UBE2E2: variants seen among roughly 807,000 people sequenced by gnomAD.
UBE2E2 encodes ubiquitin-conjugating enzyme E2 E2.
UBE2E2 carries 6 observed loss-of-function variants against 24.7 expected under a neutral mutation model. That is an observed-to-expected ratio of 0.24 (90% CI 0.13 to 0.48). UBE2E2 has a LOEUF of 0.48. Ranked by LOEUF, UBE2E2 falls within the 20% of genes least tolerant of loss-of-function variation. UBE2E2 has a pLI of 0.99. For synonymous variants in UBE2E2, 104 were observed against 83.6 expected (o/e 1.24, Z -1.33); for missense variants, 169 against 245.0 (o/e 0.69, Z 2.07).
At chr3:23,229,555 A>G (rs998177938) in intron 3 of UBE2E2, among the ~76,000 whole-genome samples, 8 of 152,196 alleles carry the variant, frequency 5.3e-5, no homozygotes, top group Admixed American at 2.6e-4. Flanking sequence ...ACAGGCTTGG[A>G]AGGGTTAAGT....
intron 3 of UBE2E2, among the ~76,000 whole-genome samples, chr3:23,394,665 A>C (rs1016169503): frequency 5.3e-5 from 8 of 152,228 alleles, no homozygotes; most frequent in Admixed American, 5.2e-4. Context: ...TCTCAGCAGT[A>C]GCTAAGAATC....
intron 3 of UBE2E2, among the ~76,000 whole-genome samples, chr3:23,377,709 T>C (rs1696555707): frequency 6.6e-6 from 1 of 152,246 alleles, no homozygotes; most frequent in Non-Finnish European, 1.5e-5. Context: ...TTCAGCAAGT[T>C]ACTTTAAACT....
intron 3 of UBE2E2, among the ~76,000 whole-genome samples, chr3:23,431,725 C>T (rs528092814): frequency 1.3e-5 from 2 of 151,900 alleles, no homozygotes; most frequent in Non-Finnish European, 2.9e-5. Context: ...TTTTTTTTAG[C>T]CTCTGAAAAC....
At chr3:23,346,347 A>G (rs1695556820) in intron 3 of UBE2E2, among the ~76,000 whole-genome samples, 1 of 152,072 alleles carries the variant, frequency 6.6e-6, no homozygotes, top group African/African-American at 2.4e-5. Flanking sequence ...TCTCTAGTCT[A>G]CTGGGTACAG....
intron 3 of UBE2E2, among the ~76,000 whole-genome samples, chr3:23,456,787 T>C (rs769876798): frequency 4.6e-5 from 7 of 152,208 alleles, no homozygotes; most frequent in Admixed American, 2.6e-4. Context: ...TAAGTGAGCA[T>C]TGGCTTCAAC....
At chr3:23,554,654 A>G (rs1465590839) in intron 5 of UBE2E2, among the ~76,000 whole-genome samples, 1 of 152,216 alleles carries the variant, frequency 6.6e-6, no homozygotes, top group Non-Finnish European at 1.5e-5. Flanking sequence ...GCTCCTTGAC[A>G]TTAGCCTTGG....
intron 3 of UBE2E2, among the ~76,000 whole-genome samples, chr3:23,408,624 G>A (rs1697424873): frequency 6.6e-6 from 1 of 152,080 alleles, no homozygotes; most frequent in South Asian, 2.1e-4. Context: ...TGAACTTTTG[G>A]CAATTTAACA....
chr3:23,272,073 G>C (rs1204901478), intron 3 of UBE2E2, among the ~76,000 whole-genome samples: 1 of 152,224 alleles, frequency 6.6e-6, no homozygotes, highest in Non-Finnish European at 1.5e-5. Flanking sequence ...GTGCCGTGGA[G>C]CAGGGGGTGA....
intron 3 of UBE2E2, among the ~76,000 whole-genome samples, chr3:23,217,752 TGTC>T (rs1696517065): frequency 6.6e-6 from 1 of 152,120 alleles, no homozygotes; most frequent in African/African-American, 2.4e-5. Context: ...CATTATTTCT[TGTC>T]GTCATTGGTT....
At chr3:23,417,808 G>C (rs1009079158) in intron 3 of UBE2E2, among the ~76,000 whole-genome samples, 2 of 152,334 alleles carry the variant, frequency 1.3e-5, no homozygotes, top group African/African-American at 4.8e-5. Flanking sequence ...TTTGCAAGCT[G>C]TGGTGGGCCC....
chr3:23,297,949 C>G (rs1447116177), intron 3 of UBE2E2, among the ~76,000 whole-genome samples: 1 of 151,674 alleles, frequency 6.6e-6, no homozygotes, highest in African/African-American at 2.4e-5. Flanking sequence ...TCTTTGTATC[C>G]TCTTTTATTT....
chr3:23,478,588 C>T (rs1699186644), intron 3 of UBE2E2, among the ~76,000 whole-genome samples: 1 of 151,948 alleles, frequency 6.6e-6, no homozygotes. Context: ...CCTCCAAAAC[C>T]AAAAAAGTAA....
chr3:23,401,256 G>A (rs189661207), intron 3 of UBE2E2, among the ~76,000 whole-genome samples: 4 of 152,314 alleles, frequency 2.6e-5, no homozygotes, highest in Non-Finnish European at 5.9e-5. Flanking sequence ...CTAGAGAAAT[G>A]AGCAGGAGTT....
intron 3 of UBE2E2, among the ~76,000 whole-genome samples, chr3:23,380,507 A>C (rs1696641714): frequency 6.6e-6 from 1 of 152,180 alleles, no homozygotes; most frequent in Non-Finnish European, 1.5e-5. Context: ...TATAGACGTG[A>C]GCCACCGGTG....
intron 3 of UBE2E2, among the ~76,000 whole-genome samples, chr3:23,363,815 C>G (rs1696189009): frequency 1.3e-5 from 2 of 151,930 alleles, no homozygotes; most frequent in African/African-American, 4.8e-5. Context: ...ATCTACAGAA[C>G]TCTCTACCCA....
intron 3 of UBE2E2, among the ~76,000 whole-genome samples, chr3:23,264,796 A>G (rs1051264524): frequency 6.6e-6 from 1 of 152,238 alleles, no homozygotes; most frequent in African/African-American, 2.4e-5. Context: ...ATTGAAAACA[A>G]GAAACATTGT....
At chr3:23,327,837 T>A (rs537382096) in intron 3 of UBE2E2, among the ~76,000 whole-genome samples, 2 of 152,224 alleles carry the variant, frequency 1.3e-5, no homozygotes, top group Non-Finnish European at 2.9e-5. Flanking sequence ...TCTAGGAGTT[T>A]GTGAAGATTA....
chr3:23,293,212 A>G (rs997536279), intron 3 of UBE2E2, among the ~76,000 whole-genome samples: 1 of 152,270 alleles, frequency 6.6e-6, no homozygotes, highest in Non-Finnish European at 1.5e-5. Context: ...GTGGACAGCA[A>G]CAGATTAAGT....
intron 3 of UBE2E2, among the ~76,000 whole-genome samples, chr3:23,263,797 T>C (rs1287021298): frequency 1.3e-5 from 2 of 152,150 alleles, no homozygotes; most frequent in African/African-American, 4.8e-5. Context: ...GGTTCATAGA[T>C]GGTGTATATC....
Sources: allele counts gnomAD v4.1 joint callset (sites outside exome capture counted in the v4.1 genomes callset), GRCh38; gene constraint gnomAD v4.1.1; transcripts MANE v1.5; gene names NCBI Gene and HGNC (gene_info 2026-07-23, HGNC 2026-07-21).